EPB41L4A: variants seen among roughly 807,000 people sequenced by gnomAD.
The protein encoded by EPB41L4A is erythrocyte membrane protein band 4.1 like 4A.
In EPB41L4A, 100 loss-of-function variants were observed where a neutral mutation model predicts 108.6. That is an observed-to-expected ratio of 0.92 (90% CI 0.78 to 1.09). The LOEUF (loss-of-function observed/expected upper bound fraction) is 1.09. Ranked by LOEUF, EPB41L4A falls within the 50% of genes least tolerant of loss-of-function variation. EPB41L4A has a pLI of 0.00. For synonymous variants in EPB41L4A, 319 were observed against 289.0 expected, an observed-to-expected ratio of 1.10 and a Z score of -1.05; for missense variants, 1,030 against 842.7, an observed-to-expected ratio of 1.22 and a Z score of -2.75.
intron 9 of EPB41L4A, among the ~76,000 whole-genome samples, chr5:112,258,921 T>C (rs1005349292): frequency 2.6e-5 from 4 of 152,180 alleles, no homozygotes; most frequent in Non-Finnish European, 5.9e-5. Context: ...AACTCCTACC[T>C]TCTACCCTCA....
intron 1 of EPB41L4A, among the ~76,000 whole-genome samples, chr5:112,347,642 C>A (rs1461245694): frequency 6.6e-6 from 1 of 152,192 alleles, no homozygotes; most frequent in Admixed American, 6.5e-5. Flanking sequence ...TCTTCTTCCT[C>A]CCTTTCACTG....
chr5:112,188,256 G>C (rs149854567), intron 17 of EPB41L4A, among the ~76,000 whole-genome samples: 295 of 151,860 alleles, frequency 1.9e-3, no homozygotes, highest in African/African-American at 7.0e-3. Context: ...GGAAATGTAT[G>C]TTGGTTCCAG....
At chr5:112,145,478 ACT>A (rs1759216301) in intron 13 of EPB41L4A, among the ~76,000 whole-genome samples, 1 of 152,146 alleles carries the variant, frequency 6.6e-6, no homozygotes, top group Non-Finnish European at 1.5e-5. Flanking sequence ...AAATAAGTTA[ACT>A]CTGCTGACAG....
rs542156373 is a variant in EPB41L4A, at chr5:112,405,534, C to G, written c.99+13407G>C. ...TAGAGTCTCTACTTTTGTGAATATC[C>G]AATTTATGTGCTTGTTTTATGAGGT... On this transcript the variant is annotated intron_variant, in intron 1 of 22. Transcript: ENST00000261486. Among the ~76,000 whole-genome samples the G allele has an allele frequency of 4.6e-5, 7 of 152,198 alleles. No individual in the cohort carries two copies. The South Asian group carries it at 1.5e-3, about 32-fold the overall frequency.
intron 9 of EPB41L4A, among the ~76,000 whole-genome samples, chr5:112,243,805 G>A (rs535735193): frequency 1.3e-5 from 2 of 152,356 alleles, no homozygotes; most frequent in African/African-American, 4.8e-5. Context: ...CAGAATTGAA[G>A]AGAGTTAGAG....
intron 1 of EPB41L4A, among the ~76,000 whole-genome samples, chr5:112,314,558 A>C (rs1755302098): frequency 6.8e-6 from 1 of 147,154 alleles, no homozygotes. Flanking sequence ...TTAGCCAAGC[A>C]TGATGGCAGG....
intron 13 of EPB41L4A, among the ~76,000 whole-genome samples, 188 bp downstream of exon 13, chr5:112,209,704 G>T (rs1011572499): frequency 6.6e-6 from 1 of 152,224 alleles, no homozygotes; most frequent in Non-Finnish European, 1.5e-5. Flanking sequence ...AAATAAGAGA[G>T]TCAGGTCCTG....
chr5:112,410,296 A>G (rs1296203579), intron 1 of EPB41L4A, among the ~76,000 whole-genome samples: 3 of 152,188 alleles, frequency 2.0e-5, no homozygotes, highest in African/African-American at 7.2e-5. Context: ...TGCCACTCGC[A>G]GCTAGGAATT....
At chr5:112,205,278 G>A (rs1261191791) in intron 14 of EPB41L4A, 143 bp downstream of exon 14, 2 of 760,500 alleles carry the variant, frequency 2.6e-6, no homozygotes, top group Admixed American at 2.0e-5. Context: ...CTCTCCCCTG[G>A]GTCACATTGA....
At chr5:112,257,326 A>T (rs1751172158) in intron 9 of EPB41L4A, 1 of 152,092 alleles carries the variant, frequency 6.6e-6, no homozygotes, top group Admixed American at 6.6e-5. Context: ...GAGTTATATG[A>T]CCTGCTTTGT....
At chr5:112,306,929 T>C (rs1754725317) in intron 2 of EPB41L4A, among the ~76,000 whole-genome samples, 1 of 152,194 alleles carries the variant, frequency 6.6e-6, no homozygotes, top group Non-Finnish European at 1.5e-5. Flanking sequence ...ACTTATTTTA[T>C]TTTGTAACAG....
downstream of EPB41L4A, among the ~76,000 whole-genome samples, chr5:112,160,349 C>T (rs1261910862): frequency 1.3e-5 from 2 of 152,140 alleles, no homozygotes; most frequent in Admixed American, 6.5e-5. Flanking sequence ...ATTTCAGCAT[C>T]CGGGCTCACT....
Position 112,234,741 on chromosome 5 carries a change from A to G in EPB41L4A, c.980T>C (p.Leu327Ser). 6.2e-7 allele frequency: 1 copy of G among 1,610,944 alleles called. No homozygotes were observed. The highest frequency in any genetic ancestry group is 8.5e-7 in the Non-Finnish European group (1 of 1,177,856). Residue 327 changes from leucine (L) to serine (S), a missense_variant, in exon 12 of 23, where the codon TTG (leucine) becomes TCG (serine). Physicochemically the swap from Leu to Ser is moderately radical, Grantham distance 145. Transcript: ENST00000261486. ...AATAGAAAGATCTCGGCTCATTTGC[A>G]AAGCTGTCCTGCCACTTGAGAGTGC... ...YKHRYSGRTALQMSRDLSIQL... is the reference protein window; with the variant it reads ...YKHRYSGRTASQMSRDLSIQL...
exon 13 of EPB41L4A, chr5:112,145,887 G>T: frequency 2.2e-6 from 1 of 455,816 alleles, no homozygotes; most frequent in South Asian, 1.6e-5. Context: ...TTACATCCCA[G>T]CCCCAATATC....
chr5:112,317,558 G>C lies in EPB41L4A; in HGVS notation c.100-10068C>G, dbSNP rs572154920. Among the ~76,000 whole-genome samples, 3 of 152,278 alleles carry C rather than the reference G, an allele frequency of 2.0e-5. No individual in the cohort carries two copies. The South Asian group carries it at 6.2e-4, about 32-fold the overall frequency. ...ACCCTTTCAATGGTGCATGAAGTCAGATCTATATTCCTAATGTTATTAGTT... is the reference window on the plus strand; with the variant it reads ...ACCCTTTCAATGGTGCATGAAGTCACATCTATATTCCTAATGTTATTAGTT... On this transcript the variant is annotated intron_variant, in intron 1 of 22. Transcript: ENST00000261486.
chr5:112,356,988 C>G (rs1758399113), intron 1 of EPB41L4A, among the ~76,000 whole-genome samples: 1 of 152,196 alleles, frequency 6.6e-6, no homozygotes. Context: ...ATATCCTGCT[C>G]TGACTCCTTG....
At chr5:112,192,088 G>T (rs1761731638) in intron 17 of EPB41L4A, 1 of 152,298 alleles carries the variant, frequency 6.6e-6, no homozygotes, top group African/African-American at 2.4e-5. Flanking sequence ...AAGGACGAAT[G>T]AGGCTGAAGA....
chr5:112,382,844 T>C (rs896261301), intron 1 of EPB41L4A, among the ~76,000 whole-genome samples: 19 of 152,216 alleles, frequency 1.2e-4, no homozygotes, highest in Admixed American at 6.5e-5. Flanking sequence ...TCCAACCTCT[T>C]ACTGGGCAAT....
chr5:112,381,481 T>C (rs1760172549), intron 1 of EPB41L4A, among the ~76,000 whole-genome samples: 1 of 152,240 alleles, frequency 6.6e-6, no homozygotes, highest in Non-Finnish European at 1.5e-5. Context: ...TCTGTTTATA[T>C]TCCATCCAGT....
Sources: allele counts gnomAD v4.1 joint callset (sites outside exome capture counted in the v4.1 genomes callset), GRCh38; gene constraint gnomAD v4.1.1; transcripts MANE v1.5; gene names NCBI Gene and HGNC (gene_info 2026-07-23, HGNC 2026-07-21).